Variants in PRKDC observed in about 807,000 individuals in gnomAD.
PRKDC encodes the protein protein kinase, DNA-activated, catalytic subunit, also known as DNA-dependent protein kinase catalytic subunit.
In PRKDC, 82 loss-of-function variants were observed where a neutral mutation model predicts 486.9. The observed-to-expected ratio is 0.17, with a 90% CI of 0.14 to 0.20. PRKDC has a LOEUF of 0.20. Among genes scored for constraint, PRKDC ranks in the 10% least tolerant of loss-of-function variants. The probability of loss-of-function intolerance (pLI) is 1.00; values close to 1 mark genes in which losing one functional copy is unlikely to be tolerated. For synonymous variants in PRKDC, 1,895 were observed against 1,837.0 expected (o/e 1.03, Z -0.81); for missense variants, 4,504 against 5,038.2 (o/e 0.89, Z 3.21).
rs373789511 is a variant in PRKDC, at chr8:47,783,589, C to CA, written c.11175+152dup. Among the ~76,000 whole-genome samples the CA allele has an allele frequency of 9.4e-3, 1,313 of 139,072 alleles. 10 individuals carry two copies. The highest frequency in any genetic ancestry group is 0.021 in the South Asian group (93 of 4,418). The allele number at this position is 139,072 out of a possible 152,430, so 91.2% of individuals were successfully genotyped here. On this transcript the variant is annotated intron_variant, in intron 78 of 85. Coordinates refer to ENST00000314191, the MANE Select transcript of PRKDC (RefSeq NM_006904.7). ...CAGGCAACAGGGCAAGACTCCGTCT[C>CA]AAAAAAAAAAAGAGGAATTCAGTAA...
At chr8:47,836,730 A>G (rs1178798352) in intron 57 of PRKDC, among the ~76,000 whole-genome samples, 1 of 152,234 alleles carries the variant, frequency 6.6e-6, no homozygotes, top group Non-Finnish European at 1.5e-5. Context: ...TTAACTATCG[A>G]GTGAGAAAAC....
chr8:47,935,440 C>CA lies in PRKDC; in HGVS notation c.1447+291dup, dbSNP rs572152218. On this transcript the variant is annotated intron_variant, in intron 13 of 85. Transcript: ENST00000314191. ...GCTTGAACCCAGGAGGCAGTGGTTG[C>CA]AGTGAGCCAAGATCATGCCACTGCA... is the stretch of plus-strand genomic sequence containing the variant. Among the ~76,000 whole-genome samples the CA allele has an allele frequency of 4.6e-3, 703 of 151,942 alleles. 3 individuals carry two copies. Among genetic ancestry groups the CA allele is most frequent in the Non-Finnish European group, 8.3e-3 (561 of 67,960 alleles).
At chr8:47,933,621 C>T (rs763787511) in intron 15 of PRKDC, among the ~76,000 whole-genome samples, 2 of 152,210 alleles carry the variant, frequency 1.3e-5, no homozygotes, top group Non-Finnish European at 2.9e-5. Flanking sequence ...CGTACACATA[C>T]ATACATACGT....
chr8:47,936,775 C>G (rs1363951327), intron 11 of PRKDC, among the ~76,000 whole-genome samples: 1 of 150,028 alleles, frequency 6.7e-6, no homozygotes, highest in Admixed American at 6.6e-5. Flanking sequence ...TGCCACCACG[C>G]CTGGCTATTT....
chr8:47,957,491 C>G, intron 1 of PRKDC, 60 bp from the exon 2 acceptor site: 1 of 1,306,006 alleles, frequency 7.7e-7, no homozygotes, highest in South Asian at 1.3e-5. Flanking sequence ...GTAAACCACT[C>G]CTAAAGGGGT....
chr8:47,897,628 AACATT>A (rs2089605175), intron 29 of PRKDC, among the ~76,000 whole-genome samples: 1 of 152,216 alleles, frequency 6.6e-6, no homozygotes, highest in Non-Finnish European at 1.5e-5. Flanking sequence ...CAGCTGTTCC[AACATT>A]ACCTGTGCAC....
chr8:47,882,001 G>A lies in PRKDC; in HGVS notation c.4873C>T (p.His1625Tyr), dbSNP rs1474950920. ...GLKLATTILQ[H>Y]WKKCDSWWAK... is the part of the protein sequence containing the mutation. ...CACCATGAATCACACTTCTTCCAGT[G>A]TTGCAGAATTGTAGTCGCAAGTTTC... The change falls in exon 37 of 86, where the codon CAC (histidine) becomes TAC (tyrosine). Residue 1625 changes from histidine (H) to tyrosine (Y), a missense_variant. Physicochemically the swap from His to Tyr is moderately conservative, Grantham distance 83 (BLOSUM62 2). This residue lies in a region of PRKDC where 1,969 missense variants were observed against 2,068.9 expected (regional missense o/e 0.95). Coordinates refer to ENST00000314191, the MANE Select transcript of PRKDC (RefSeq NM_006904.7). The A allele has an allele frequency of 3.1e-6, 5 of 1,613,952 alleles. No homozygotes were observed. Among genetic ancestry groups the A allele is most frequent in the Non-Finnish European group, 4.2e-6 (5 of 1,179,896 alleles).
intron 76 of PRKDC, among the ~76,000 whole-genome samples, chr8:47,786,075 C>T (rs2086785856): frequency 6.6e-6 from 1 of 151,490 alleles, no homozygotes; most frequent in African/African-American, 2.4e-5. Flanking sequence ...CACTGCACTC[C>T]AGCCTGGGTG....
chr8:47,929,733 T>A, intron 18 of PRKDC, 120 bp downstream of exon 18: 1 of 1,132,034 alleles, frequency 8.8e-7, no homozygotes, highest in Non-Finnish European at 1.2e-6. Flanking sequence ...TTTAAACACA[T>A]AGAATAAAAT....
In PRKDC at chr8:47,774,114, A is replaced by G. The variant is rs1186813665; in HGVS notation, c.*59T>C. ...ATCAGCTCATGGAATGCTGCCAACC[A>G]AAGTATAGTAGATTCTTTAAACAAT... On this transcript the variant is annotated 3_prime_UTR_variant, in exon 86 of 86. Transcript: ENST00000314191. The G allele has an allele frequency of 1.0e-5, 15 of 1,472,712 alleles. No homozygotes were observed. The highest frequency in any genetic ancestry group is 1.4e-5 in the Non-Finnish European group (15 of 1,104,884). 91.2% of individuals were successfully genotyped at this position (1,472,712 alleles called of 1,614,324 possible).
intron 80 of PRKDC, among the ~76,000 whole-genome samples, chr8:47,780,815 G>C (rs533390225): frequency 1.3e-5 from 2 of 152,234 alleles, no homozygotes; most frequent in East Asian, 3.9e-4. Flanking sequence ...GTGCACGCCT[G>C]TAATCTCAGC....
chr8:47,807,564 G>A (rs1246454509), intron 68 of PRKDC, among the ~76,000 whole-genome samples: 4 of 151,266 alleles, frequency 2.6e-5, no homozygotes, highest in South Asian at 2.1e-4. Flanking sequence ...GACTACAGGC[G>A]CCTGCCACTA....
chr8:47,783,939 CT>C, intron 77 of PRKDC, 130 bp from the exon 78 acceptor site: 1 of 905,780 alleles, frequency 1.1e-6, no homozygotes, highest in East Asian at 2.6e-5. Context: ...AAAGTTTTCA[CT>C]TAAAGGGAAC....
At chr8:47,779,257 G>T (rs2086660133) in intron 80 of PRKDC, 164 bp from the exon 81 acceptor site, 1 of 536,332 alleles carries the variant, frequency 1.9e-6, no homozygotes. Context: ...CATTACTCTG[G>T]ATCTTGAATT....
At chr8:47,880,828 C>T (rs1008926372) in intron 38 of PRKDC, among the ~76,000 whole-genome samples, 5 of 151,818 alleles carry the variant, frequency 3.3e-5, no homozygotes, top group African/African-American at 1.2e-4. Flanking sequence ...CCGAGGCAGG[C>T]AGATCACTTG....
At chr8:47,958,590 A>G (rs1435631580) in intron 1 of PRKDC, among the ~76,000 whole-genome samples, 3 of 152,382 alleles carry the variant, frequency 2.0e-5, no homozygotes, top group Admixed American at 6.5e-5. Context: ...GAAACAAGTT[A>G]CTAAACGAAC....
At chr8:47,879,447 A>T in intron 39 of PRKDC, 44 bp downstream of exon 39, 1 of 1,476,470 alleles carries the variant, frequency 6.8e-7, no homozygotes, top group Non-Finnish European at 9.1e-7. Context: ...AACAAGAAAA[A>T]AAAAACAGTG....
intron 74 of PRKDC, among the ~76,000 whole-genome samples, chr8:47,791,777 A>G (rs2086888005): frequency 6.6e-6 from 1 of 152,222 alleles, no homozygotes; most frequent in African/African-American, 2.4e-5. Flanking sequence ...TACAACCACT[A>G]TGAAGAACAC....
chr8:47,845,432 T>C (rs1325272735), intron 54 of PRKDC, among the ~76,000 whole-genome samples: 1 of 151,930 alleles, frequency 6.6e-6, no homozygotes, highest in Non-Finnish European at 1.5e-5. Context: ...AAGATCTAAA[T>C]AAGCACAATA....
Sources: gnomAD v4.1 joint callset for allele counts (sites outside exome capture counted in the v4.1 genomes callset) on GRCh38, gnomAD v4.1.1 for gene constraint, gnomAD v4.1.1 regional missense constraint, MANE v1.5 for transcripts, NCBI Gene and HGNC (gene_info 2026-07-23, HGNC 2026-07-21) for gene names.